The following PIN4 variants were observed in gnomAD, a reference collection of about 807,000 sequenced individuals.
PIN4 encodes the protein peptidyl-prolyl cis-trans isomerase NIMA-interacting 4.
Under a neutral mutation model 8.3 loss-of-function variants are expected in PIN4, and 3 were observed. The ratio of observed to expected loss-of-function variants is 0.36; its 90% CI spans 0.16 to 0.93. The LOEUF (loss-of-function observed/expected upper bound fraction) is 0.93. PIN4 is among the 40% of genes least tolerant of loss of function. PIN4 has a pLI of 0.44. For missense variants in PIN4, 75 were observed against 100.6 expected (o/e 0.75, Z 1.09); for synonymous variants, 18 against 32.5 (o/e 0.55, Z 1.52).
At chrX:72,229,310 T>C (rs1421637546) in intron 3 of PIN4, among the ~76,000 whole-genome samples, 1 of 111,919 alleles carries the variant, frequency 8.9e-6, no homozygotes, top group Non-Finnish European at 1.9e-5. Context: ...ATGGAGCATT[T>C]CCGCAACTGG....
intron 3 of PIN4, among the ~76,000 whole-genome samples, chrX:72,259,807 C>T (rs1052544175): frequency 9.7e-5 from 10 of 102,933 alleles, no homozygotes; most frequent in South Asian, 4.6e-4. Flanking sequence ...CTTGGCTCAC[C>T]GCAACCTCCG....
intron 3 of PIN4, among the ~76,000 whole-genome samples, chrX:72,248,162 T>G (rs1446387170): frequency 9.1e-6 from 1 of 109,293 alleles, no homozygotes; most frequent in Non-Finnish European, 1.9e-5. Context: ...CTCTGGTGAT[T>G]GGTTGCCAAG....
chrX:72,226,617 T>G (rs141747729), intron 3 of PIN4, among the ~76,000 whole-genome samples: 3,895 of 111,766 alleles, frequency 0.035, 194 homozygotes, highest in African/African-American at 0.12. Flanking sequence ...CAGTTATCCA[T>G]TGCAAAGGAC....
At chrX:72,215,693 C>T (rs1276563136) in intron 3 of PIN4, among the ~76,000 whole-genome samples, 1 of 111,455 alleles carries the variant, frequency 9.0e-6, no homozygotes, top group Non-Finnish European at 1.9e-5. Flanking sequence ...TCTTACCTAG[C>T]ACTCTAATGT....
At chrX:72,191,178 A>G (rs1013139219) in intron 2 of PIN4, among the ~76,000 whole-genome samples, 8 of 93,026 alleles carry the variant, frequency 8.6e-5, no homozygotes, top group African/African-American at 4.1e-4. Flanking sequence ...AGATTCGCCT[A>G]AAAAAATACG....
At chrX:72,199,804 A>G (rs1181342372), downstream of PIN4, among the ~76,000 whole-genome samples, 2 of 97,098 alleles carry the variant, frequency 2.1e-5, 1 homozygote, top group Non-Finnish European at 4.2e-5. Flanking sequence ...GTAAGGCAGG[A>G]ATGGACCTCT....
intron 3 of PIN4, chrX:72,207,102 G>A (rs928138626): frequency 8.3e-7 from 1 of 1,211,592 alleles, no homozygotes; most frequent in Non-Finnish European, 1.1e-6. Flanking sequence ...TCCAGCTAGG[G>A]TCAAAAATGA....
intron 3 of PIN4, chrX:72,205,306 T>A: frequency 8.2e-7 from 1 of 1,212,166 alleles, no homozygotes; most frequent in Non-Finnish European, 1.1e-6. Context: ...GGACTTGTTT[T>A]CTGAAGACAG....
chrX:72,251,185 G>A (rs1274350363), intron 3 of PIN4, among the ~76,000 whole-genome samples: 2 of 103,683 alleles, frequency 1.9e-5, no homozygotes, highest in African/African-American at 3.5e-5. Context: ...GTGAAACCCC[G>A]TCTCTACTAA....
At chrX:72,216,226 A>G (rs999561996) in intron 3 of PIN4, among the ~76,000 whole-genome samples, 1 of 109,125 alleles carries the variant, frequency 9.2e-6, no homozygotes, top group African/African-American at 3.4e-5. Context: ...AGAATGCCAC[A>G]TGAAGATGGA....
chrX:72,195,789 A>C (rs2042761796), intron 2 of PIN4, among the ~76,000 whole-genome samples: 1 of 111,500 alleles, frequency 9.0e-6, no homozygotes, highest in Non-Finnish European at 1.9e-5. Context: ...TTGCATCTTG[A>C]TGTACAAATG....
intron 1 of PIN4, 170 bp from the exon 2 acceptor site, chrX:72,186,291 T>A (rs2042702549): frequency 2.0e-6 from 1 of 508,064 alleles, no homozygotes; most frequent in East Asian, 3.8e-5. Context: ...ATTCTTCCAT[T>A]GTGGCCCAGG....
At chrX:72,232,713 G>A (rs752316604) in intron 3 of PIN4, among the ~76,000 whole-genome samples, 9 of 112,043 alleles carry the variant, frequency 8.0e-5, no homozygotes, top group African/African-American at 2.3e-4. Flanking sequence ...AGGAGGCTGA[G>A]GCAGGAGAAT....
At chrX:72,206,179 T>G (rs1250896050) in intron 3 of PIN4, 1 of 1,211,781 alleles carries the variant, frequency 8.3e-7, no homozygotes, top group South Asian at 1.8e-5. Flanking sequence ...ATTAAAACTT[T>G]CCAGAGGATC....
intron 2 of PIN4, among the ~76,000 whole-genome samples, chrX:72,194,403 C>T (rs1431981696): frequency 2.7e-5 from 3 of 111,485 alleles, no homozygotes; most frequent in South Asian, 3.7e-4. Context: ...TGTGGTGGCG[C>T]GTGCCTGTAA....
intron 2 of PIN4, among the ~76,000 whole-genome samples, chrX:72,191,910 G>A (rs1427560021): frequency 1.8e-5 from 2 of 108,786 alleles, no homozygotes; most frequent in Non-Finnish European, 3.8e-5. Flanking sequence ...CCTTCATTCC[G>A]AAAATATGCC....
At chrX:72,233,614 C>CG (rs2042998298) in intron 3 of PIN4, among the ~76,000 whole-genome samples, 1 of 106,783 alleles carries the variant, frequency 9.4e-6, no homozygotes, top group Non-Finnish European at 1.9e-5. Context: ...CCCAGCTACT[C>CG]GGGAGGCTGA....
rs779818475 is a variant in PIN4, at chrX:72,227,314, T to A, written c.312+30410T>A. ...TCAACACTTGCACCAGCTCTACATA[T>A]CACCTGGAAGCTATATATCCTCTAT... On this transcript the variant is annotated intron_variant, in intron 3 of 3. Transcript: ENST00000423432. 9.9e-5 allele frequency among the ~76,000 whole-genome samples: 11 copies of A among 111,673 alleles called. No homozygotes were observed. In the Admixed American group the frequency reaches 1.0e-3, roughly 11 times the overall value.
At chrX:72,261,250 G>A (rs2043138434) in intron 3 of PIN4, among the ~76,000 whole-genome samples, 1 of 104,782 alleles carries the variant, frequency 9.5e-6, no homozygotes, top group South Asian at 4.6e-4. Flanking sequence ...GAGCCGAGAC[G>A]TGCCATTGCA....
Sources: gnomAD v4.1 joint callset for allele counts (sites outside exome capture counted in the v4.1 genomes callset) on GRCh38, gnomAD v4.1.1 for gene constraint, MANE v1.5 for transcripts, NCBI Gene and HGNC (gene_info 2026-07-23, HGNC 2026-07-21) for gene names.